The following LRRC27 variants were observed in gnomAD, a reference collection of about 807,000 sequenced individuals.
The protein encoded by LRRC27 is leucine-rich repeat-containing protein 27.
Under a neutral mutation model 55.0 loss-of-function variants are expected in LRRC27, and 57 were observed. The observed-to-expected ratio is 1.04, with a 90% confidence interval of 0.84 to 1.29. The LOEUF is 1.29. Among genes scored for constraint, LRRC27 ranks in the 50% most tolerant of loss-of-function variants. The probability of loss-of-function intolerance (pLI) is 0.00; values close to 1 mark genes in which losing one functional copy is unlikely to be tolerated. For synonymous variants in LRRC27, 278 were observed against 251.9 expected (o/e 1.10, Z -0.98); for missense variants, 721 against 651.5 (o/e 1.11, Z -1.16).
At chr10:132,354,904 T>C (rs905252532) in intron 7 of LRRC27, among the ~76,000 whole-genome samples, 2 of 152,098 alleles carry the variant, frequency 1.3e-5, no homozygotes, top group African/African-American at 4.8e-5. Context: ...GCCCTGGGCC[T>C]GAGCAAGGGC....
rs1469004532 is a variant in LRRC27, at chr10:132,378,150, G to GGGC, written c.*2910_*2912dup. 6.6e-6 allele frequency: 1 copy of GGGC among 151,470 alleles called. No homozygotes were observed. The highest frequency in any genetic ancestry group is 1.9e-4 in the East Asian group (1 of 5,172). The allele number at this position is 151,470 out of a possible 1,614,324, so 9.4% of individuals were successfully genotyped here. On this transcript the variant is annotated 3_prime_UTR_variant, in exon 11 of 11. Coordinates refer to ENST00000368614, the MANE Select transcript of LRRC27 (RefSeq NM_030626.3). ...AGATCGCGCCACTGCACTCCAGCCT[G>GGGC]GGCGACAGAGCGAGACTCCGTCTCA...
rs757130941 is a variant in LRRC27 at position 132,365,454 on chromosome 10, G to A, written c.1320G>A (p.Lys440=). The A allele has an allele frequency of 2.2e-5, 36 of 1,613,790 alleles. No homozygotes were observed. The highest frequency in any genetic ancestry group is 2.8e-5 in the Non-Finnish European group (33 of 1,179,994). The change falls in exon 10 of 11, where the codon AAG becomes AAA. Residue 440 remains lysine (K), a synonymous_variant. Coordinates refer to ENST00000368614, the MANE Select transcript of LRRC27 (RefSeq NM_030626.3). Reference sequence around the variant, plus strand: ...TGCAGGAGAGAAATTTAGAAGAGAAGATAAAACAGCACGTCCTCCAAATGC... The same window carrying A: ...TGCAGGAGAGAAATTTAGAAGAGAAAATAAAACAGCACGTCCTCCAAATGC... ...SALQERNLEE[K]IKQHVLQMRE...
intron 4 of LRRC27, among the ~76,000 whole-genome samples, 170 bp downstream of exon 4, chr10:132,342,441 C>T (rs1000294243): frequency 2.6e-5 from 4 of 152,158 alleles, no homozygotes; most frequent in Non-Finnish European, 4.4e-5. Context: ...TGATATAGCA[C>T]GTACTGTTCT....
In LRRC27 at chr10:132,374,958, C is replaced by A; in HGVS notation, c.1417-108C>A. 1 of 1,243,104 alleles carries A rather than the reference C, an allele frequency of 8.0e-7. No individual in the cohort carries two copies. Among genetic ancestry groups the A allele is most frequent in the Non-Finnish European group, 1.1e-6 (1 of 894,522 alleles). The allele number at this position is 1,243,104 out of a possible 1,614,324, so 77.0% of individuals were successfully genotyped here. ...CCCCGGGGCAGCGGGGCTGGCTCTG[C>A]TGACGCCCACATGGCCTGGGCCCCA... On this transcript the variant is annotated intron_variant, in intron 10 of 10. Coordinates refer to ENST00000368614, the MANE Select transcript of LRRC27 (RefSeq NM_030626.3). The surrounding 1 kb of genome is among the most constrained non-coding windows in gnomAD (Gnocchi z 4.4).
At chr10:132,346,897 C>T (rs2067727104) in intron 5 of LRRC27, among the ~76,000 whole-genome samples, 2 of 152,210 alleles carry the variant, frequency 1.3e-5, no homozygotes, top group African/African-American at 4.8e-5. Context: ...AAACCTAAGA[C>T]CCTGAGCACG....
At chr10:132,366,111 G>A (rs1305626183) in intron 10 of LRRC27, among the ~76,000 whole-genome samples, 2 of 152,256 alleles carry the variant, frequency 1.3e-5, no homozygotes, top group African/African-American at 2.4e-5. Context: ...TCTGATGGCA[G>A]GAGTGGCAGC....
At position 132,379,242 on chromosome 10, in the gene LRRC27, A is replaced by G; in HGVS notation, c.*4000A>G. ...GTTCTCGGGGAGTGCGTGGTCTCAG[A>G]TCCCATCCTGCTCCTCTCCAGAGTT... is the stretch of plus-strand genomic sequence containing the variant. On this transcript the variant is annotated 3_prime_UTR_variant, in exon 11 of 11. Coordinates refer to ENST00000368614, the MANE Select transcript of LRRC27 (RefSeq NM_030626.3). 7.4e-6 allele frequency: 1 copy of G among 135,870 alleles called. No homozygotes were observed. Among genetic ancestry groups the G allele is most frequent in the Admixed American group, 7.6e-5 (1 of 13,132 alleles). 8.4% of individuals were successfully genotyped at this position (135,870 alleles called of 1,614,324 possible).
intron 8 of LRRC27, among the ~76,000 whole-genome samples, chr10:132,356,219 A>G (rs548104315): frequency 4.7e-4 from 71 of 152,224 alleles, no homozygotes; most frequent in Non-Finnish European, 9.3e-4. Flanking sequence ...CAAAGAGGGA[A>G]GGCGGAAGAG....
Position 132,375,236 on chromosome 10 carries a change from C to T in LRRC27, c.1587C>T (p.Tyr529=). 3 of 1,611,928 alleles carry T rather than the reference C, an allele frequency of 1.9e-6. No individual in the cohort carries two copies. The highest frequency in any genetic ancestry group is 2.5e-6 in the Non-Finnish European group (3 of 1,178,674). ...KYGESGNVRR[Y]Q ...GAGAATCAGGAAATGTTCGCAGATA[C>T]CAGTGACACCAGGTGGCTGGACTGA... Residue 529 remains tyrosine (Y), a synonymous_variant, in exon 11 of 11, where the codon TAC becomes TAT. Coordinates refer to ENST00000368614, the MANE Select transcript of LRRC27 (RefSeq NM_030626.3).
chr10:132,333,595 C>G lies in LRRC27; in HGVS notation c.71C>G (p.Thr24Ser). 1.2e-6 allele frequency: 2 copies of G among 1,612,534 alleles called. No homozygotes were observed. Among genetic ancestry groups the G allele is most frequent in the Non-Finnish European group, 1.7e-6 (2 of 1,180,002 alleles). ...AADLEEGAGQ[T>S]RSLPATPSKD... Reference sequence around the variant, plus strand: ...GATCTGGAGGAGGGTGCTGGTCAGACTAGGAGCTTGCCTGCCACCCCCTCC... The same window carrying G: ...GATCTGGAGGAGGGTGCTGGTCAGAGTAGGAGCTTGCCTGCCACCCCCTCC... The change falls in exon 2 of 11, where the codon ACT becomes AGT. Residue 24 changes from threonine (T) to serine (S), a missense_variant. Coordinates refer to ENST00000368614, the MANE Select transcript of LRRC27 (RefSeq NM_030626.3).
At chr10:132,333,876 A>C (rs913505546) in intron 2 of LRRC27, 142 bp downstream of exon 2, 8 of 665,976 alleles carry the variant, frequency 1.2e-5, no homozygotes, top group African/African-American at 9.2e-5. Flanking sequence ...AGGTTAACTC[A>C]TAGTTTCATA....
upstream of LRRC27, chr10:132,331,393 C>T (rs1363327844): frequency 6.4e-7 from 1 of 1,565,274 alleles, no homozygotes; most frequent in South Asian, 1.2e-5. Flanking sequence ...GGTGTCATTT[C>T]ATCTTCTTCC....
At chr10:132,330,159 A>T (rs2066616626), upstream of LRRC27, 1 of 387,682 alleles carries the variant, frequency 2.6e-6, no homozygotes, top group Admixed American at 3.7e-5. Flanking sequence ...GCTGGGCAAA[A>T]ACTGAGCACA....
chr10:132,336,883 TC>T, intron 2 of LRRC27: 6 of 717,162 alleles, frequency 8.4e-6, no homozygotes, highest in South Asian at 6.3e-5. Context: ...TTAGCTATGA[TC>T]CTTCCACACT....
Position 132,348,935 on chromosome 10 carries a change from C to T in LRRC27, c.926+579C>T, listed in dbSNP as rs116725700. 415 of 1,538,198 alleles carry T rather than the reference C, an allele frequency of 2.7e-4. 2 individuals are homozygous for T. The African/African-American group carries it at 4.9e-3, about 18-fold the overall frequency. Reference sequence around the variant, plus strand: ...CCTTTGGTACAGTGAGTTTGGGGGCCGAGATTTTATTTTCCTTTCACACCC... The same window carrying T: ...CCTTTGGTACAGTGAGTTTGGGGGCTGAGATTTTATTTTCCTTTCACACCC... On this transcript the variant is annotated intron_variant, in intron 6 of 10. Transcript: ENST00000368614. The surrounding 1 kb of genome is among the most constrained non-coding windows in gnomAD (Gnocchi z 4.2).
At chr10:132,358,395 G>A (rs1225340847) in intron 8 of LRRC27, among the ~76,000 whole-genome samples, 1 of 30,816 alleles carries the variant, frequency 3.2e-5, no homozygotes, top group Non-Finnish European at 5.7e-5. Context: ...GGAGCAGCGT[G>A]GGGAGGAGCC....
At chr10:132,345,400 C>T (rs1221591114) in intron 5 of LRRC27, among the ~76,000 whole-genome samples, 2 of 152,178 alleles carry the variant, frequency 1.3e-5, no homozygotes, top group African/African-American at 2.4e-5. Flanking sequence ...TCGTAAATAA[C>T]GTGTGGCCTT....
At chr10:132,337,765 T>C in intron 3 of LRRC27, 70 bp downstream of exon 3, 1 of 1,548,898 alleles carries the variant, frequency 6.5e-7, no homozygotes. Flanking sequence ...CTTTCGCTCC[T>C]TGTCCTTTAC....
intron 9 of LRRC27, among the ~76,000 whole-genome samples, chr10:132,363,172 ACC>A (rs2068725784): frequency 1.7e-5 from 1 of 59,642 alleles, no homozygotes; most frequent in African/African-American, 7.0e-5. Flanking sequence ...GGGTTCATGA[ACC>A]CTCTCACCTC....
Sources: allele counts gnomAD v4.1 joint callset (sites outside exome capture counted in the v4.1 genomes callset), GRCh38; gene constraint gnomAD v4.1.1; non-coding constraint Gnocchi (gnomAD v3.1); transcripts MANE v1.5; gene names NCBI Gene and HGNC (gene_info 2026-07-23, HGNC 2026-07-21).